PCM1: variants seen among roughly 807,000 people sequenced by gnomAD.
The protein encoded by PCM1 is pericentriolar material 1.
PCM1 carries 157 observed loss-of-function variants against 241.9 expected under a neutral mutation model. That is an observed-to-expected ratio of 0.65 (90% confidence interval 0.57 to 0.74). The LOEUF is 0.74. PCM1 is among the 30% of genes least tolerant of loss of function. The pLI is 0.00. For missense variants in PCM1, 3,478 were observed against 2,360.1 expected (o/e 1.47, Z -9.81); for synonymous variants, 1,085 against 784.9 (o/e 1.38, Z -6.39).
intron 23 of PCM1, among the ~76,000 whole-genome samples, chr8:17,976,817 T>C (rs17635461): frequency 0.24 from 36,727 of 152,046 alleles, 5,057 homozygotes; most frequent in African/African-American, 0.38. Context: ...TACCTTAACT[T>C]TGGAAATCTA....
intron 36 of PCM1, among the ~76,000 whole-genome samples, chr8:18,022,809 T>C (rs558372539): frequency 1.3e-5 from 2 of 152,284 alleles, no homozygotes; most frequent in South Asian, 4.2e-4. Flanking sequence ...CTTGACTATA[T>C]TAGTAGAGAA....
intron 4 of PCM1, among the ~76,000 whole-genome samples, chr8:17,937,688 A>G (rs1272227606): frequency 2.6e-5 from 4 of 152,182 alleles, no homozygotes; most frequent in Non-Finnish European, 5.9e-5. Flanking sequence ...GTATTAAGTA[A>G]TGGAAAGTTC....
In PCM1 at chr8:18,025,453, G is replaced by A. The variant is rs2094123401; in HGVS notation, c.5934G>A (p.Glu1978=). The A allele has an allele frequency of 6.4e-7, 1 of 1,563,016 alleles. No homozygotes were observed. The highest frequency in any genetic ancestry group is 1.4e-5 in the African/African-American group (1 of 73,476). ...DLPLKLTIYS[E]ADLRKKMVEE... is the part of the protein sequence containing the mutation. ...CACTGAAACTGACAATATATTCAGA[G>A]GTATTTAGCTGTCTTTAATTAAACT... Residue 1978 remains glutamate (E), a splice_region_variant and synonymous_variant, in exon 37 of 39, where the codon GAG becomes GAA. Coordinates refer to ENST00000325083, the MANE Select transcript of PCM1 (RefSeq NM_006197.4).
At chr8:17,953,878 A>T (rs1416312593) in intron 9 of PCM1, among the ~76,000 whole-genome samples, 1 of 152,210 alleles carries the variant, frequency 6.6e-6, no homozygotes, top group Non-Finnish European at 1.5e-5. Flanking sequence ...CAGTAGGGAC[A>T]ACTTCCAACT....
rs760413398 is a variant in PCM1, at chr8:17,966,264, T to A, written c.3075+46T>A. On this transcript the variant is annotated intron_variant, in intron 19 of 38. Transcript: ENST00000325083. ...ATATTTTTCGTCTATTTTTATAACT[T>A]CTGAAGCAATACAAATTTTTCTCAA... is the stretch of plus-strand genomic sequence containing the variant. The A allele has an allele frequency of 1.9e-6, 3 of 1,607,578 alleles. No homozygotes were observed. In the African/African-American group the frequency reaches 4.0e-5, roughly 22 times the overall value.
Position 17,947,133 on chromosome 8 carries a change from C to T in PCM1, c.784-53C>T, listed in dbSNP as rs945217361. On this transcript the variant is annotated intron_variant, in intron 6 of 38. Coordinates refer to ENST00000325083, the MANE Select transcript of PCM1 (RefSeq NM_006197.4). ...ATACTTTGCCATTGATAATTGAAAC[C>T]GCAACATGGATTTTAATAGTCAGAT... The T allele has an allele frequency of 4.8e-5, 56 of 1,174,170 alleles. No homozygotes were observed. In the East Asian group the frequency reaches 6.9e-4, roughly 15 times the overall value. 72.7% of individuals were successfully genotyped at this position (1,174,170 alleles called of 1,614,324 possible). A position where few individuals can be genotyped will look rare whatever the true frequency, so the allele number is the denominator to read the frequency against.
intron 30 of PCM1, among the ~76,000 whole-genome samples, chr8:18,007,995 A>G (rs1181387004): frequency 6.6e-6 from 1 of 152,232 alleles, no homozygotes; most frequent in Non-Finnish European, 1.5e-5. Flanking sequence ...AAAATAATCA[A>G]AAGGGTCAGA....
At chr8:17,946,258 T>C (rs1220687681) in intron 6 of PCM1, among the ~76,000 whole-genome samples, 1 of 152,208 alleles carries the variant, frequency 6.6e-6, no homozygotes, top group Non-Finnish European at 1.5e-5. Context: ...GTCATCAGAC[T>C]CAGATGAATG....
At chr8:18,010,905 A>G (rs1403433215) in intron 32 of PCM1, among the ~76,000 whole-genome samples, 1 of 152,144 alleles carries the variant, frequency 6.6e-6, no homozygotes. Context: ...CCTGGGAGGC[A>G]GAGGTGGTAT....
rs781286396 is a variant in PCM1 at position 17,947,340 on chromosome 8, C to G, written c.938C>G (p.Ala313Gly). ...LLALQHKAEQ[A>G]IAVMDDSVVA... The stretch of plus-strand genomic sequence containing the variant: ...GCTCTGCAACATAAAGCAGAGCAAG[C>G]TATTGCAGTGATGGATGATTCTGGT... Residue 313 changes from alanine (A) to glycine (G), a missense_variant, in exon 7 of 39, where the codon GCT (alanine) becomes GGT (glycine). Transcript: ENST00000325083. 6.3e-7 allele frequency: 1 copy of G among 1,599,900 alleles called. No individual in the cohort carries two copies. The highest frequency in any genetic ancestry group is 8.5e-7 in the Non-Finnish European group (1 of 1,174,232).
chr8:18,004,381 G>T (rs987984113), intron 29 of PCM1, among the ~76,000 whole-genome samples: 4 of 152,098 alleles, frequency 2.6e-5, no homozygotes, highest in African/African-American at 4.8e-5. Context: ...TTTTCCATTT[G>T]ACCTTTTAAG....
intron 36 of PCM1, among the ~76,000 whole-genome samples, chr8:18,023,698 T>C (rs751597692): frequency 6.6e-6 from 1 of 152,254 alleles, no homozygotes; most frequent in Admixed American, 6.5e-5. Flanking sequence ...GAATCTTTGC[T>C]TAGAGGGATC....
intron 32 of PCM1, 68 bp from the exon 33 acceptor site, chr8:18,011,169 T>C: frequency 9.5e-7 from 1 of 1,057,110 alleles, no homozygotes; most frequent in South Asian, 2.0e-5. Context: ...ATTAATACGA[T>C]AGACTTACTA....
intron 23 of PCM1, among the ~76,000 whole-genome samples, chr8:17,973,162 C>A (rs1462392029): frequency 6.6e-6 from 1 of 152,060 alleles, no homozygotes; most frequent in Non-Finnish European, 1.5e-5. Context: ...GAAGTAAACT[C>A]ATATTTTACT....
chr8:17,992,996 T>G (rs2129479516), intron 28 of PCM1, among the ~76,000 whole-genome samples: 1 of 151,028 alleles, frequency 6.6e-6, no homozygotes, highest in South Asian at 2.1e-4. Flanking sequence ...GTATTAGTCC[T>G]TTGTCAGATG....
chr8:18,014,523 TAATAGTAA>T, intron 35 of PCM1, 53 bp from the exon 36 acceptor site: 1 of 1,358,838 alleles, frequency 7.4e-7, no homozygotes, highest in Non-Finnish European at 1.0e-6. Context: ...TTTATTAGTA[TAATAGTAA>T]AATTTAACAT....
In PCM1 at chr8:17,959,999, A is replaced by G. The variant is rs780483089; in HGVS notation, c.2041-15A>G. 10 of 1,610,546 alleles carry G rather than the reference A, an allele frequency of 6.2e-6. No individual in the cohort carries two copies. The East Asian group carries it at 1.8e-4, about 29-fold the overall frequency. On this transcript the variant is annotated splice_polypyrimidine_tract_variant and intron_variant, in intron 13 of 38. Coordinates refer to ENST00000325083, the MANE Select transcript of PCM1 (RefSeq NM_006197.4). Reference sequence around the variant, plus strand: ...GAGGTATCAAGATTGTTTTAATGTAATGATGCTCTTTCAGGATGATGATGC... The same window carrying G: ...GAGGTATCAAGATTGTTTTAATGTAGTGATGCTCTTTCAGGATGATGATGC...
intron 2 of PCM1, among the ~76,000 whole-genome samples, chr8:17,930,324 C>T (rs923715986): frequency 2.6e-5 from 4 of 151,530 alleles, no homozygotes; most frequent in Admixed American, 6.6e-5. Context: ...AGGATGGTCT[C>T]GATCTCCTGA....
intron 34 of PCM1, among the ~76,000 whole-genome samples, chr8:18,013,001 T>C (rs1000550564): frequency 3.3e-5 from 5 of 152,214 alleles, no homozygotes; most frequent in Non-Finnish European, 7.3e-5. Context: ...AACAGTGATA[T>C]ATCAAAAAGC....
Sources: allele counts gnomAD v4.1 joint callset (sites outside exome capture counted in the v4.1 genomes callset), GRCh38; gene constraint gnomAD v4.1.1; transcripts MANE v1.5; gene names NCBI Gene and HGNC (gene_info 2026-07-23, HGNC 2026-07-21).